Variants in MLLT3 observed in about 807,000 individuals in gnomAD.
MLLT3 encodes MLLT3 super elongation complex subunit.
A neutral mutation model predicts 53.2 loss-of-function variants in MLLT3; 4 were observed. The observed-to-expected ratio is 0.08, with a 90% CI of 0.04 to 0.17. MLLT3 has a LOEUF of 0.17. Ranked by LOEUF, MLLT3 falls within the 10% of genes least tolerant of loss-of-function variation. MLLT3 has a pLI of 1.00. For missense variants in MLLT3, 569 were observed against 684.0 expected (o/e 0.83, Z 1.87); for synonymous variants, 283 against 230.6 (o/e 1.23, Z -2.06).
chr9:20,410,174 C>G (rs1822689755), intron 5 of MLLT3, among the ~76,000 whole-genome samples: 2 of 152,024 alleles, frequency 1.3e-5, no homozygotes, highest in South Asian at 4.1e-4. Context: ...AACAAAGTGG[C>G]TTAGAGTACC....
At chr9:20,589,381 C>A (rs1421217571) in intron 2 of MLLT3, among the ~76,000 whole-genome samples, 1 of 137,808 alleles carries the variant, frequency 7.3e-6, no homozygotes, top group Non-Finnish European at 1.5e-5. Context: ...GGGAATTGAA[C>A]AATGAGATCA....
At chr9:20,364,883 A>C (rs1821412074) in intron 6 of MLLT3, among the ~76,000 whole-genome samples, 3 of 152,264 alleles carry the variant, frequency 2.0e-5, no homozygotes, top group Admixed American at 1.3e-4. Flanking sequence ...CACATACACA[A>C]AAATGGAAAA....
At chr9:20,438,216 A>C (rs948225885) in intron 4 of MLLT3, among the ~76,000 whole-genome samples, 1 of 152,272 alleles carries the variant, frequency 6.6e-6, no homozygotes, top group Non-Finnish European at 1.5e-5. Context: ...AGACTATATC[A>C]AACAAGATAG....
intron 5 of MLLT3, among the ~76,000 whole-genome samples, chr9:20,395,384 G>A (rs1361211797): frequency 6.6e-6 from 1 of 152,248 alleles, no homozygotes; most frequent in East Asian, 1.9e-4. Context: ...TAAGGGCCTG[G>A]AGGCTTTACA....
chr9:20,536,148 G>A (rs927779637), intron 2 of MLLT3, among the ~76,000 whole-genome samples: 4 of 151,664 alleles, frequency 2.6e-5, no homozygotes, highest in Non-Finnish European at 2.9e-5. Context: ...TCAGCCATGC[G>A]ACTACCATTA....
intron 2 of MLLT3, among the ~76,000 whole-genome samples, chr9:20,538,795 T>C (rs1818550635): frequency 6.6e-6 from 1 of 152,230 alleles, no homozygotes; most frequent in East Asian, 1.9e-4. Context: ...CTCAGAGATA[T>C]TGTGGATTCA....
At chr9:20,362,159 G>A (rs138325475) in intron 7 of MLLT3, among the ~76,000 whole-genome samples, 1 of 152,116 alleles carries the variant, frequency 6.6e-6, no homozygotes, top group Non-Finnish European at 1.5e-5. Flanking sequence ...AACACAGCAC[G>A]GTCAGGCAGG....
chr9:20,366,193 T>TCC, intron 5 of MLLT3, among the ~76,000 whole-genome samples: 1 of 152,296 alleles, frequency 6.6e-6, no homozygotes, highest in East Asian at 1.9e-4. Flanking sequence ...GTGCTATCCC[T>TCC]CCCCTAGCCC....
chr9:20,442,029 C>T (rs1467960801), intron 4 of MLLT3, among the ~76,000 whole-genome samples: 4 of 151,952 alleles, frequency 2.6e-5, no homozygotes, highest in Non-Finnish European at 5.9e-5. Flanking sequence ...GGAAGAGTAC[C>T]CATAAATTTA....
chr9:20,367,761 G>T (rs3780828), intron 5 of MLLT3, among the ~76,000 whole-genome samples: 2 of 152,036 alleles, frequency 1.3e-5, no homozygotes, highest in African/African-American at 4.8e-5. Flanking sequence ...AATTCAAGGT[G>T]ACCAAATTTG....
At chr9:20,408,380 AC>A (rs1220196053) in intron 5 of MLLT3, among the ~76,000 whole-genome samples, 1 of 151,808 alleles carries the variant, frequency 6.6e-6, no homozygotes, top group African/African-American at 2.4e-5. Flanking sequence ...GTGTGATCAC[AC>A]CCAACACAGA....
intron 2 of MLLT3, among the ~76,000 whole-genome samples, chr9:20,599,971 A>G (rs1426049081): frequency 2.0e-5 from 3 of 152,250 alleles, no homozygotes; most frequent in Admixed American, 6.5e-5. Flanking sequence ...ATGCTAACCC[A>G]GTGAGTTCAG....
At chr9:20,599,025 G>C (rs1820345929) in intron 2 of MLLT3, among the ~76,000 whole-genome samples, 1 of 152,136 alleles carries the variant, frequency 6.6e-6, no homozygotes, top group South Asian at 2.1e-4. Flanking sequence ...CTTTGAGTAG[G>C]CCAGGCGCGG....
rs374012885 is a variant in MLLT3, at chr9:20,368,483, G to C, written c.1126-2739C>G. Among the ~76,000 whole-genome samples, 90 of 152,264 alleles carry C rather than the reference G, an allele frequency of 5.9e-4. 1 individual carries two copies. The South Asian group carries it at 0.018, about 30-fold the overall frequency. The stretch of plus-strand genomic sequence containing the variant: ...TTCACATTGTATTGGACTTAAAGGA[G>C]CCACTCTGCCAGAGCTATTTGCTGA... On this transcript the variant is annotated intron_variant, in intron 5 of 10. Transcript: ENST00000380338.
intron 7 of MLLT3, among the ~76,000 whole-genome samples, chr9:20,361,084 C>G (rs944458958): frequency 1.3e-5 from 2 of 152,174 alleles, no homozygotes; most frequent in South Asian, 2.1e-4. Context: ...CTCAGAAAGA[C>G]TGGGTCACTC....
chr9:20,491,245 A>T (rs1299965315), intron 2 of MLLT3, among the ~76,000 whole-genome samples: 1 of 152,204 alleles, frequency 6.6e-6, no homozygotes, highest in East Asian at 1.9e-4. Flanking sequence ...ACGTTTTAAC[A>T]TTAATTTTTT....
Position 20,363,672 on chromosome 9 carries a change from CAG to C in MLLT3, c.1202-69_1202-68del, listed in dbSNP as rs535093436. 5.8e-5 allele frequency: 87 copies of C among 1,507,610 alleles called. No homozygotes were observed. In the East Asian group the frequency reaches 1.6e-3, roughly 28 times the overall value. 93.4% of individuals were successfully genotyped at this position (1,507,610 alleles called of 1,614,324 possible). ...CAAACACACTTAGCCATATTAGAAA[CAG>C]GGGGATGCTTACCAGCACTGAACAC... On this transcript the variant is annotated intron_variant, in intron 6 of 10. Transcript: ENST00000380338.
chr9:20,347,869 A>G (rs1281881939), intron 10 of MLLT3, among the ~76,000 whole-genome samples: 1 of 152,210 alleles, frequency 6.6e-6, no homozygotes, highest in East Asian at 1.9e-4. Flanking sequence ...GAAGTTTTAG[A>G]TTACCTAATG....
intron 2 of MLLT3, among the ~76,000 whole-genome samples, chr9:20,514,308 G>A (rs974182521): frequency 4.6e-5 from 7 of 152,072 alleles, no homozygotes; most frequent in African/African-American, 1.7e-4. Flanking sequence ...AATCACAGGG[G>A]CAAAGTCATC....
Sources: gnomAD v4.1 joint callset for allele counts (sites outside exome capture counted in the v4.1 genomes callset) on GRCh38, gnomAD v4.1.1 for gene constraint, MANE v1.5 for transcripts, NCBI Gene and HGNC (gene_info 2026-07-23, HGNC 2026-07-21) for gene names.